Variants in WWOX observed in about 807,000 individuals in gnomAD.
WWOX encodes the protein WW domain containing oxidoreductase, also known as WW domain-containing oxidoreductase.
In WWOX, 69 loss-of-function variants were observed where a neutral mutation model predicts 46.2. That is an observed-to-expected ratio of 1.49 (90% CI 1.23 to 1.82). WWOX has a LOEUF of 1.82. Ranked by LOEUF, WWOX falls within the 40% of genes most tolerant of loss-of-function variation. WWOX has a pLI of 0.00. For missense variants in WWOX, 919 were observed against 542.6 expected (o/e 1.69, Z -6.89); for synonymous variants, 359 against 202.6 (o/e 1.77, Z -6.56).
intron 8 of WWOX, among the ~76,000 whole-genome samples, chr16:78,724,306 C>G (rs1269749780): frequency 6.6e-6 from 1 of 152,190 alleles, no homozygotes; most frequent in Non-Finnish European, 1.5e-5. Flanking sequence ...GATTCATTAT[C>G]TCTGTGATTA....
At chr16:78,375,483 A>T in intron 5 of WWOX, among the ~76,000 whole-genome samples, 1 of 152,240 alleles carries the variant, frequency 6.6e-6, no homozygotes, top group Non-Finnish European at 1.5e-5. Flanking sequence ...AAACGTGCTC[A>T]GTGCTATTGA....
intron 1 of WWOX, among the ~76,000 whole-genome samples, chr16:78,107,663 C>A (rs540817508): frequency 6.6e-6 from 1 of 152,220 alleles, no homozygotes; most frequent in South Asian, 2.1e-4. Context: ...TTTGAAGTTA[C>A]ATCTGTGGAA....
chr16:78,384,953 G>A (rs2151932474), intron 5 of WWOX, among the ~76,000 whole-genome samples: 2 of 152,236 alleles, frequency 1.3e-5, no homozygotes, highest in Middle Eastern at 3.4e-3. Context: ...GGCCAACATG[G>A]TGAAACCCCG....
intron 5 of WWOX, among the ~76,000 whole-genome samples, chr16:78,231,340 A>G (rs904172061): frequency 6.6e-6 from 1 of 152,234 alleles, no homozygotes; most frequent in Non-Finnish European, 1.5e-5. Flanking sequence ...TATGCATTGC[A>G]CATTTGCCAC....
intron 5 of WWOX, among the ~76,000 whole-genome samples, chr16:78,187,490 C>T (rs1417430529): frequency 6.6e-6 from 1 of 152,124 alleles, no homozygotes; most frequent in Non-Finnish European, 1.5e-5. Context: ...GTAGTCCCAC[C>T]TACTTGGGAG....
At chr16:78,144,484 TATACAC>T (rs1266421703) in intron 4 of WWOX, among the ~76,000 whole-genome samples, 1 of 25,922 alleles carries the variant, frequency 3.9e-5, no homozygotes, top group Non-Finnish European at 7.1e-5. Flanking sequence ...TATATATATA[TATACAC>T]ACACACACAC....
At chr16:78,263,585 G>A (rs1217738436) in intron 5 of WWOX, among the ~76,000 whole-genome samples, 1 of 152,140 alleles carries the variant, frequency 6.6e-6, no homozygotes, top group Non-Finnish European at 1.5e-5. Context: ...GGTTATCATA[G>A]CTTTGCAGAG....
chr16:78,653,401 A>T (rs921124029), intron 8 of WWOX, among the ~76,000 whole-genome samples: 1 of 152,212 alleles, frequency 6.6e-6, no homozygotes, highest in Non-Finnish European at 1.5e-5. Flanking sequence ...ACTCCCCAAA[A>T]TCCTTTTGCC....
chr16:78,776,794 A>C (rs1438128324), intron 8 of WWOX, among the ~76,000 whole-genome samples: 2 of 152,112 alleles, frequency 1.3e-5, no homozygotes, highest in Admixed American at 6.5e-5. Flanking sequence ...GGAGGGAGAG[A>C]GAAAGAGGGA....
intron 8 of WWOX, among the ~76,000 whole-genome samples, chr16:78,481,453 G>A (rs186794277): frequency 4.6e-5 from 7 of 152,228 alleles, no homozygotes; most frequent in Non-Finnish European, 8.8e-5. Flanking sequence ...TTGATTGAAA[G>A]AGTCATGGCA....
chr16:78,936,409 G>C (rs779609212), intron 8 of WWOX, among the ~76,000 whole-genome samples: 20 of 151,994 alleles, frequency 1.3e-4, no homozygotes, highest in Non-Finnish European at 2.5e-4. Flanking sequence ...CCCCAGGATG[G>C]GTAAGACTTC....
chr16:78,140,052 G>C (rs1397499579), intron 4 of WWOX, among the ~76,000 whole-genome samples: 1 of 152,218 alleles, frequency 6.6e-6, no homozygotes, highest in African/African-American at 2.4e-5. Flanking sequence ...CCATGCTGCA[G>C]AGTCAGAGAA....
intron 8 of WWOX, among the ~76,000 whole-genome samples, chr16:78,573,774 C>G (rs1026806857): frequency 6.6e-6 from 1 of 152,062 alleles, no homozygotes; most frequent in Non-Finnish European, 1.5e-5. Flanking sequence ...TGCTCATTCT[C>G]GATCTCCACT....
intron 8 of WWOX, among the ~76,000 whole-genome samples, chr16:78,727,549 G>T (rs1194496050): frequency 6.6e-6 from 1 of 152,178 alleles, no homozygotes; most frequent in Non-Finnish European, 1.5e-5. Flanking sequence ...GGGACACAAG[G>T]TCTGGGTCCT....
intron 6 of WWOX, among the ~76,000 whole-genome samples, chr16:78,422,395 C>T (rs79430709): frequency 3.6e-3 from 541 of 151,494 alleles, no homozygotes; most frequent in Middle Eastern, 0.024. Flanking sequence ...GCTCTGATGC[C>T]TGTAGTGGTA....
At chr16:79,033,926 A>G (rs1597306544) in intron 8 of WWOX, among the ~76,000 whole-genome samples, 1 of 152,210 alleles carries the variant, frequency 6.6e-6, no homozygotes, top group African/African-American at 2.4e-5. Flanking sequence ...TGGCTAGACC[A>G]TGTCACAGGG....
intron 8 of WWOX, among the ~76,000 whole-genome samples, chr16:78,846,583 C>T (rs554706992): frequency 6.6e-6 from 1 of 152,176 alleles, no homozygotes; most frequent in South Asian, 2.1e-4. Flanking sequence ...CATTCTTCGG[C>T]CATCAAGTCA....
At chr16:78,828,304 C>G (rs913202245) in intron 8 of WWOX, among the ~76,000 whole-genome samples, 48 of 152,064 alleles carry the variant, frequency 3.2e-4, no homozygotes, top group Admixed American at 3.1e-3. Context: ...GGGTGTTAAT[C>G]CAGGGGCCAG....
chr16:79,173,314 G>A (rs116648907), intron 8 of WWOX, among the ~76,000 whole-genome samples: 340 of 118,202 alleles, frequency 2.9e-3, no homozygotes, highest in African/African-American at 0.01. Context: ...TGCCATCTTA[G>A]AGACGTAAAA....
Sources: gnomAD v4.1 joint callset for allele counts (sites outside exome capture counted in the v4.1 genomes callset) on GRCh38, gnomAD v4.1.1 for gene constraint, MANE v1.5 for transcripts, NCBI Gene and HGNC (gene_info 2026-07-23, HGNC 2026-07-21) for gene names.